The following METTL16 variants were observed in gnomAD, a reference collection of about 807,000 sequenced individuals.
METTL16 encodes the protein RNA N(6)-adenosine-methyltransferase METTL16.
A neutral mutation model predicts 57.9 loss-of-function variants in METTL16; 19 were observed. That is an observed-to-expected ratio of 0.33 (90% CI 0.23 to 0.48). The LOEUF is 0.48. METTL16 is among the 20% of genes least tolerant of loss of function. The pLI is 0.99. For missense variants in METTL16, 434 were observed against 691.5 expected (o/e 0.63, Z 4.18); for synonymous variants, 246 against 255.6 (o/e 0.96, Z 0.36).
chr17:2,434,790 C>G (rs956924816), intron 8 of METTL16, among the ~76,000 whole-genome samples: 1 of 152,178 alleles, frequency 6.6e-6, no homozygotes, highest in African/African-American at 2.4e-5. Flanking sequence ...AAAAAGCCCT[C>G]TAGTTCTTAC....
At chr17:2,428,398 C>G (rs1449641686) in intron 8 of METTL16, among the ~76,000 whole-genome samples, 1 of 151,360 alleles carries the variant, frequency 6.6e-6, no homozygotes, top group Non-Finnish European at 1.5e-5. Context: ...AGGCGGTTAA[C>G]TGTGCCTCAG....
chr17:2,508,500 C>T (rs2067564368), intron 1 of METTL16, among the ~76,000 whole-genome samples: 1 of 152,146 alleles, frequency 6.6e-6, no homozygotes, highest in Admixed American at 6.6e-5. Flanking sequence ...ATCTTCAACA[C>T]CTTCTCCATG....
chr17:2,420,513 C>T lies in METTL16; in HGVS notation c.1146G>A (p.Arg382=). 3 of 1,613,982 alleles carry T rather than the reference C, an allele frequency of 1.9e-6. No homozygotes were observed. The highest frequency in any genetic ancestry group is 2.5e-6 in the Non-Finnish European group (3 of 1,180,034). Residue 382 remains arginine, a synonymous_variant, in exon 10 of 10, where the codon AGG becomes AGA. Transcript: ENST00000263092. The surrounding 1 kb of genome is among the most constrained non-coding windows in gnomAD (Gnocchi z 5.4). ...TAIENSWIHL[R]RKKRERVRQL... ...GTCTCACACGCTCTCTTTTCTTTCTCCTTAAATGAATCCAGGAGTTTTCTA... is the reference window on the plus strand; with the variant it reads ...GTCTCACACGCTCTCTTTTCTTTCTTCTTAAATGAATCCAGGAGTTTTCTA...
chr17:2,444,004 G>A (rs1321686311), intron 6 of METTL16, among the ~76,000 whole-genome samples: 1 of 152,166 alleles, frequency 6.6e-6, no homozygotes, highest in Non-Finnish European at 1.5e-5. Flanking sequence ...TTTCAAAATT[G>A]CTAAAAGATT....
At chr17:2,425,487 G>A (rs1324777451) in intron 8 of METTL16, among the ~76,000 whole-genome samples, 1 of 152,136 alleles carries the variant, frequency 6.6e-6, no homozygotes, top group Non-Finnish European at 1.5e-5. Flanking sequence ...AGCAGTCGTA[G>A]GTCTGCAGAG....
At position 2,419,815 on chromosome 17, in the gene METTL16, CG is replaced by C; in HGVS notation, c.*154del. 2.3e-6 allele frequency: 2 copies of C among 882,402 alleles called. No homozygotes were observed. The highest frequency in any genetic ancestry group is 2.1e-5 in the Admixed American group (1 of 48,342). 54.7% of individuals were successfully genotyped at this position (882,402 alleles called of 1,614,324 possible). A position where few individuals can be genotyped will look rare whatever the true frequency, so the allele number is the denominator to read the frequency against. On this transcript the variant is annotated 3_prime_UTR_variant, in exon 10 of 10. Transcript: ENST00000263092. ...TGTAACTCAAAAAGCGGGAAGGAGGCGGGGGGAGGTGGGGGACAGATTCATA... is the reference window on the plus strand; with the variant it reads ...TGTAACTCAAAAAGCGGGAAGGAGGCGGGGGAGGTGGGGGACAGATTCATA...
At chr17:2,450,374 G>A (rs193225345) in intron 6 of METTL16, among the ~76,000 whole-genome samples, 1 of 152,302 alleles carries the variant, frequency 6.6e-6, no homozygotes, top group South Asian at 2.1e-4. Flanking sequence ...GACTCCATTT[G>A]TATGAAAAGT....
At chr17:2,482,550 CAGG>C (rs960230150) in intron 2 of METTL16, among the ~76,000 whole-genome samples, 4 of 152,174 alleles carry the variant, frequency 2.6e-5, no homozygotes, top group Non-Finnish European at 5.9e-5. Context: ...CTTTTATACA[CAGG>C]GTCAAAAGAC....
intron 4 of METTL16, among the ~76,000 whole-genome samples, chr17:2,469,816 C>T (rs542788608): frequency 1.3e-5 from 2 of 152,198 alleles, no homozygotes; most frequent in East Asian, 3.9e-4. Context: ...CCACCGCACC[C>T]GGCCTATGTA....
At chr17:2,470,398 A>G (rs2067227924) in intron 4 of METTL16, among the ~76,000 whole-genome samples, 1 of 152,210 alleles carries the variant, frequency 6.6e-6, no homozygotes, top group South Asian at 2.1e-4. Context: ...AAGGCAGAGC[A>G]TTGCCTTGTT....
At chr17:2,486,459 G>C (rs1457780116) in intron 2 of METTL16, among the ~76,000 whole-genome samples, 1 of 152,002 alleles carries the variant, frequency 6.6e-6, no homozygotes, top group Non-Finnish European at 1.5e-5. Context: ...TTTTAGTAGA[G>C]ACGGGGTTTC....
chr17:2,448,697 C>A (rs374628071), intron 6 of METTL16, among the ~76,000 whole-genome samples: 17,523 of 102,644 alleles, frequency 0.17, 2,518 homozygotes, highest in African/African-American at 0.45. Context: ...GTCCTATGAC[C>A]CTGCCAAATC....
chr17:2,492,350 T>C (rs751080637), intron 2 of METTL16, among the ~76,000 whole-genome samples: 5 of 152,078 alleles, frequency 3.3e-5, no homozygotes, highest in Non-Finnish European at 5.9e-5. Flanking sequence ...AAAATCTAAT[T>C]GCAATGGTCA....
intron 6 of METTL16, among the ~76,000 whole-genome samples, chr17:2,450,397 A>G (rs2151556289): frequency 6.6e-6 from 1 of 152,292 alleles, no homozygotes; most frequent in East Asian, 1.9e-4. Flanking sequence ...AGAACACACA[A>G]AACTGTTGTG....
chr17:2,437,734 G>A (rs943806901), intron 8 of METTL16, among the ~76,000 whole-genome samples: 8 of 152,138 alleles, frequency 5.3e-5, no homozygotes, highest in Non-Finnish European at 1.0e-4. Context: ...ATTTTTAGCA[G>A]AGACACAGTT....
Position 2,420,240 on chromosome 17 carries a change from C to T in METTL16, c.1419G>A (p.Gly473=). The T allele has an allele frequency of 6.2e-7, 1 of 1,614,210 alleles. No individual in the cohort carries two copies. Among genetic ancestry groups the T allele is most frequent in the South Asian group, 1.1e-5 (1 of 91,086 alleles). The change falls in exon 10 of 10, where the codon GGG becomes GGA. Residue 473 remains glycine (G), a synonymous_variant. Transcript: ENST00000263092. The surrounding 1 kb of genome is among the most constrained non-coding windows in gnomAD (Gnocchi z 5.4). ...TEDERSEEKG[G]VEVLESCQGS... ...CTTGACAACTTTCCAAAACCTCCAC[C>T]CCTCCCTTTTCCTCACTCCTTTCAT...
At chr17:2,448,819 A>T (rs1165218253) in intron 6 of METTL16, among the ~76,000 whole-genome samples, 65 of 144,524 alleles carry the variant, frequency 4.5e-4, no homozygotes, top group African/African-American at 1.4e-3. Context: ...AAAAAAAAAA[A>T]AAAAAAAGAG....
At chr17:2,479,761 C>T (rs943745045) in intron 2 of METTL16, among the ~76,000 whole-genome samples, 2 of 152,154 alleles carry the variant, frequency 1.3e-5, no homozygotes, top group Non-Finnish European at 2.9e-5. Context: ...AACCCAATCT[C>T]TCTCCACTCC....
chr17:2,425,603 CA>C (rs2066811802), intron 8 of METTL16, among the ~76,000 whole-genome samples: 1 of 152,092 alleles, frequency 6.6e-6, no homozygotes, highest in African/African-American at 2.4e-5. Context: ...AGCCATCAAT[CA>C]GGCACAAACA....
Sources: gnomAD v4.1 joint callset for allele counts (sites outside exome capture counted in the v4.1 genomes callset) on GRCh38, gnomAD v4.1.1 for gene constraint, Gnocchi (gnomAD v3.1) non-coding constraint, MANE v1.5 for transcripts, NCBI Gene and HGNC (gene_info 2026-07-23, HGNC 2026-07-21) for gene names.